SIN3A: variants seen among roughly 807,000 people sequenced by gnomAD.
The protein encoded by SIN3A is SIN3 transcription regulator family member A.
In SIN3A, 14 loss-of-function variants were observed where a neutral mutation model predicts 146.1. The ratio of observed to expected loss-of-function variants is 0.10; its 90% CI spans 0.06 to 0.15. The LOEUF (loss-of-function observed/expected upper bound fraction) is 0.15, where lower values mean the gene tolerates loss of function less well. Among genes scored for constraint, SIN3A ranks in the 10% least tolerant of loss-of-function variants. The pLI, the probability that SIN3A is intolerant of heterozygous loss-of-function variation, is 1.00. For missense variants in SIN3A, 1,028 were observed against 1,576.0 expected (o/e 0.65, Z 5.89); for synonymous variants, 572 against 572.0 (o/e 1.00, Z 0.00).
chr15:75,448,375 GCTT>G (rs962504505), intron 1 of SIN3A, among the ~76,000 whole-genome samples: 22 of 151,448 alleles, frequency 1.5e-4, no homozygotes, highest in Non-Finnish European at 2.8e-4. Flanking sequence ...TGGCGCCCCA[GCTT>G]CTTCTTCGTG....
At chr15:75,397,369 G>T (rs1269176600) in intron 12 of SIN3A, among the ~76,000 whole-genome samples, 2 of 152,180 alleles carry the variant, frequency 1.3e-5, no homozygotes, top group Non-Finnish European at 2.9e-5. Context: ...ATAGGGCCAT[G>T]TAACTAGTTT....
intron 1 of SIN3A, among the ~76,000 whole-genome samples, chr15:75,442,012 C>T (rs1030587227): frequency 3.3e-5 from 5 of 149,742 alleles, no homozygotes; most frequent in Admixed American, 2.7e-4. Flanking sequence ...CCCAGCTACT[C>T]GGGAGGCTGA....
chr15:75,425,048 C>A (rs548334876), intron 2 of SIN3A, among the ~76,000 whole-genome samples: 1 of 151,952 alleles, frequency 6.6e-6, no homozygotes, highest in Non-Finnish European at 1.5e-5. Flanking sequence ...GACCCTGTCT[C>A]AAAAAAATAA....
At chr15:75,422,516 A>G (rs2073856203) in intron 3 of SIN3A, 131 bp downstream of exon 3, 1 of 1,088,840 alleles carries the variant, frequency 9.2e-7, no homozygotes, top group African/African-American at 1.5e-5. Flanking sequence ...CACAAAACAA[A>G]AACGGTAAAA....
intron 1 of SIN3A, among the ~76,000 whole-genome samples, chr15:75,439,323 A>G (rs959843182): frequency 6.6e-6 from 1 of 152,012 alleles, no homozygotes; most frequent in South Asian, 2.1e-4. Context: ...AAGTTTAATC[A>G]TAACCCCAAC....
rs1441370128 is a variant in SIN3A at position 75,424,227 on chromosome 15, G to T, written c.190-1404C>A. On this transcript the variant is annotated intron_variant, in intron 2 of 20. Transcript: ENST00000394947. ...GTGGGCGGATCACCTGAGGTTGGGA[G>T]TTCTCGAGACCAGCCTGACCAACAT... Among the ~76,000 whole-genome samples the T allele has an allele frequency of 3.9e-5, 6 of 152,238 alleles. No individual in the cohort carries two copies. In the East Asian group the frequency reaches 1.2e-3, roughly 29 times the overall value.
intron 2 of SIN3A, 195 bp downstream of exon 2, chr15:75,429,992 G>A (rs1040418794): frequency 1.3e-5 from 7 of 552,986 alleles, no homozygotes; most frequent in South Asian, 2.2e-5. Flanking sequence ...AGTGGGATAC[G>A]CAGGGAACTT....
chr15:75,409,055 T>C (rs1182157498), intron 8 of SIN3A, among the ~76,000 whole-genome samples: 3 of 151,858 alleles, frequency 2.0e-5, no homozygotes, highest in African/African-American at 7.3e-5. Flanking sequence ...AATGCAAAAA[T>C]TAGCTGGGCG....
chr15:75,455,179 C>T (rs1041816336), upstream of SIN3A, among the ~76,000 whole-genome samples: 1 of 152,036 alleles, frequency 6.6e-6, no homozygotes, highest in Non-Finnish European at 1.5e-5. Context: ...ACAAAACCCT[C>T]GGGGCGGCTG....
In SIN3A at chr15:75,445,571, AAAATAAAT is replaced by A. The variant is rs142196101; in HGVS notation, c.-34+5844_-34+5851del. Among the ~76,000 whole-genome samples, 1,222 of 150,626 alleles carry A rather than the reference AAAATAAAT, an allele frequency of 8.1e-3. 34 individuals carry two copies. In the East Asian group the frequency reaches 0.1, roughly 13 times the overall value. ...GGGAGACAGAGCAAAACTCCGTCTC[AAAATAAAT>A]AAATAAATAAATAAATAGCTGGGTG... On this transcript the variant is annotated intron_variant, in intron 1 of 20. Coordinates refer to ENST00000394947, the MANE Select transcript of SIN3A (RefSeq NM_001145358.2).
intron 1 of SIN3A, among the ~76,000 whole-genome samples, chr15:75,445,674 GTGTA>G (rs2074294330): frequency 6.7e-6 from 1 of 150,370 alleles, no homozygotes. Context: ...AGCTGGGTGT[GTGTA>G]TGTGTGTGTG....
At chr15:75,382,341 A>G (rs2072988005) in intron 17 of SIN3A, among the ~76,000 whole-genome samples, 1 of 152,180 alleles carries the variant, frequency 6.6e-6, no homozygotes, top group Non-Finnish European at 1.5e-5. Context: ...ACACACACAA[A>G]TACAGTTATT....
At chr15:75,401,334 C>T (rs143648288) in intron 10 of SIN3A, among the ~76,000 whole-genome samples, 2,976 of 152,010 alleles carry the variant, frequency 0.02, 101 homozygotes, top group African/African-American at 0.068. Flanking sequence ...TCTGGACCAG[C>T]CTGGCCAACA....
intron 20 of SIN3A, among the ~76,000 whole-genome samples, chr15:75,374,308 A>T (rs1595884934): frequency 6.6e-6 from 1 of 152,372 alleles, no homozygotes; most frequent in Non-Finnish European, 1.5e-5. Flanking sequence ...AGCCTGGCCA[A>T]CATGGTGAAA....
chr15:75,406,122 A>G (rs1443999233), intron 9 of SIN3A, among the ~76,000 whole-genome samples: 3 of 152,202 alleles, frequency 2.0e-5, no homozygotes, highest in African/African-American at 7.2e-5. Flanking sequence ...CCACAGATCA[A>G]TCCAGGTTGA....
rs766982436 is a variant in SIN3A, at chr15:75,392,823, G to T, written c.2278-8C>A. 15 of 1,585,144 alleles carry T rather than the reference G, an allele frequency of 9.5e-6. No individual in the cohort carries two copies. The highest frequency in any genetic ancestry group is 2.2e-5 in the South Asian group (2 of 89,026). Reference sequence around the variant, plus strand: ...CGTAGCCTGCTCTTGCCTCTGATGGGACAGAGACACAAAAGTATTCTGTGA... The same window carrying T: ...CGTAGCCTGCTCTTGCCTCTGATGGTACAGAGACACAAAAGTATTCTGTGA... On this transcript the variant is annotated splice_region_variant and splice_polypyrimidine_tract_variant and intron_variant, in intron 14 of 20. Coordinates refer to ENST00000394947, the MANE Select transcript of SIN3A (RefSeq NM_001145358.2).
chr15:75,427,997 A>G (rs80193967), intron 2 of SIN3A, among the ~76,000 whole-genome samples: 31,063 of 151,230 alleles, frequency 0.21, 3,639 homozygotes, highest in Non-Finnish European at 0.26. Context: ...ATAAATAAAT[A>G]AATGAATAAA....
intron 14 of SIN3A, among the ~76,000 whole-genome samples, 182 bp from the exon 15 acceptor site, chr15:75,392,997 G>C (rs1567336263): frequency 6.6e-6 from 1 of 152,192 alleles, no homozygotes; most frequent in South Asian, 2.1e-4. Context: ...TTGGTAGGCC[G>C]AGGAGGGTGA....
chr15:75,407,989 A>T (rs1354147298), intron 8 of SIN3A, among the ~76,000 whole-genome samples: 1 of 151,614 alleles, frequency 6.6e-6, no homozygotes, highest in Admixed American at 6.6e-5. Flanking sequence ...ACAGGCCATG[A>T]TATAATCCTG....
Sources: gnomAD v4.1 joint callset for allele counts (sites outside exome capture counted in the v4.1 genomes callset) on GRCh38, gnomAD v4.1.1 for gene constraint, MANE v1.5 for transcripts, NCBI Gene and HGNC (gene_info 2026-07-23, HGNC 2026-07-21) for gene names.